RBM39: variants seen among roughly 807,000 people sequenced by gnomAD.
The protein encoded by RBM39 is RNA-binding protein 39.
Under a neutral mutation model 79.6 loss-of-function variants are expected in RBM39, and 12 were observed. The observed-to-expected ratio is 0.15, with a 90% CI of 0.10 to 0.24. RBM39 has a LOEUF of 0.24. Ranked by LOEUF, RBM39 falls within the 10% of genes least tolerant of loss-of-function variation. The pLI, the probability that RBM39 is intolerant of heterozygous loss-of-function variation, is 1.00. For synonymous variants in RBM39, 185 were observed against 208.4 expected (o/e 0.89, Z 0.97); for missense variants, 243 against 653.4 (o/e 0.37, Z 6.85).
At position 35,718,288 on chromosome 20, in the gene RBM39, A is replaced by C. The variant is rs867573542; in HGVS notation, c.826-1483T>G. ...TATAAAAAACAAAACAAAACAAAAA[A>C]AAAACGGGTAAGGGCTGCCTCTAGA... On this transcript the variant is annotated intron_variant, in intron 9 of 16. Coordinates refer to ENST00000253363, the MANE Select transcript of RBM39 (RefSeq NM_184234.3). Among the ~76,000 whole-genome samples, 224 of 152,196 alleles carry C rather than the reference A, an allele frequency of 1.5e-3. 1 individual carries two copies. Among genetic ancestry groups the C allele is most frequent in the African/African-American group, 5.2e-3 (217 of 41,448 alleles).
intron 7 of RBM39, 90 bp downstream of exon 7, chr20:35,724,948 C>A (rs1222812048): frequency 4.7e-6 from 5 of 1,054,052 alleles, no homozygotes; most frequent in South Asian, 3.0e-5. Flanking sequence ...CAAACAAATA[C>A]TGCTACTAAA....
intron 15 of RBM39, 103 bp downstream of exon 15, chr20:35,705,122 A>C: frequency 1.4e-6 from 1 of 731,486 alleles, no homozygotes. Flanking sequence ...ACACACAAAA[A>C]CTATAATGGA....
At chr20:35,705,405 T>A (rs1352026585) in intron 14 of RBM39, 75 bp from the exon 15 acceptor site, 3 of 837,658 alleles carry the variant, frequency 3.6e-6, no homozygotes, top group Non-Finnish European at 5.5e-6. Context: ...TATCAAAAAA[T>A]TTAAATATTC....
chr20:35,711,483 GT>G (rs1162093816), intron 12 of RBM39, among the ~76,000 whole-genome samples: 1 of 152,162 alleles, frequency 6.6e-6, no homozygotes, highest in Non-Finnish European at 1.5e-5. Context: ...TCAAATGACT[GT>G]TAAATACACA....
intron 10 of RBM39, 32 bp downstream of exon 10, chr20:35,716,708 C>A (rs767238336): frequency 1.2e-5 from 15 of 1,284,226 alleles, no homozygotes; most frequent in African/African-American, 4.6e-5. Flanking sequence ...AAAAAAAAAA[C>A]CCTAAGTAAT....
rs528787818 is a variant in RBM39, at chr20:35,737,941, G to A, written c.101+1027C>T. Among the ~76,000 whole-genome samples the A allele has an allele frequency of 4.6e-5, 7 of 150,894 alleles. No individual in the cohort carries two copies. In the South Asian group the frequency reaches 1.0e-3, roughly 23 times the overall value. Reference sequence around the variant, plus strand: ...GGCCACAGCAGGAGGATCATGAGAGGTCAGGAGATGGAGACCATTCTGGCT... The same window carrying A: ...GGCCACAGCAGGAGGATCATGAGAGATCAGGAGATGGAGACCATTCTGGCT... On this transcript the variant is annotated intron_variant, in intron 3 of 16. Coordinates refer to ENST00000253363, the MANE Select transcript of RBM39 (RefSeq NM_184234.3).
chr20:35,735,876 T>C (rs11906171), intron 3 of RBM39, among the ~76,000 whole-genome samples: 4,457 of 152,332 alleles, frequency 0.029, 215 homozygotes, highest in African/African-American at 0.1. Context: ...TGTGGTTCTC[T>C]ACATTAGACA....
At chr20:35,711,377 G>C (rs181446645) in intron 12 of RBM39, among the ~76,000 whole-genome samples, 4 of 152,126 alleles carry the variant, frequency 2.6e-5, no homozygotes, top group Admixed American at 2.6e-4. Context: ...AGTAGCAATC[G>C]ACAATTACTC....
At chr20:35,734,177 G>C in intron 3 of RBM39, 1 of 1,294,830 alleles carries the variant, frequency 7.7e-7, no homozygotes, top group Non-Finnish European at 1.0e-6. Context: ...AGAAAATGAA[G>C]ACACCCACCT....
Position 35,716,685 on chromosome 20 carries a change from A to C in RBM39, c.891+55T>G, listed in dbSNP as rs542818243. 2.0e-5 allele frequency: 22 copies of C among 1,092,834 alleles called. No individual in the cohort carries two copies. The East Asian group carries it at 5.6e-4, about 28-fold the overall frequency. 67.7% of individuals were successfully genotyped at this position (1,092,834 alleles called of 1,614,324 possible). On this transcript the variant is annotated intron_variant, in intron 10 of 16. Coordinates refer to ENST00000253363, the MANE Select transcript of RBM39 (RefSeq NM_184234.3). ...AGAGACTAATCTGAGCAACACAGCA[A>C]ATGTAGTTTAAAAAAAAAAAAACCC...
intron 4 of RBM39, 105 bp downstream of exon 4, chr20:35,731,836 T>A (rs976097185): frequency 5.7e-6 from 6 of 1,044,790 alleles, no homozygotes; most frequent in Non-Finnish European, 8.7e-6. Context: ...TTTTAACCAA[T>A]CATTAAAAAA....
intron 4 of RBM39, among the ~76,000 whole-genome samples, chr20:35,730,902 ATTC>A (rs749621492): frequency 6.6e-6 from 1 of 151,798 alleles, no homozygotes; most frequent in Non-Finnish European, 1.5e-5. Context: ...ACGGAGTTTA[ATTC>A]TTTTTATTTT....
At chr20:35,719,078 T>C (rs1038780350) in intron 9 of RBM39, among the ~76,000 whole-genome samples, 1 of 152,162 alleles carries the variant, frequency 6.6e-6, no homozygotes, top group Non-Finnish European at 1.5e-5. Flanking sequence ...GGGGCAAAGG[T>C]AAGCAAACTA....
At chr20:35,717,152 T>A (rs1294873628) in intron 9 of RBM39, among the ~76,000 whole-genome samples, 2 of 152,048 alleles carry the variant, frequency 1.3e-5, no homozygotes, top group Non-Finnish European at 2.9e-5. Context: ...TGGTGGCGCA[T>A]GCCTGTACGC....
intron 14 of RBM39, 66 bp downstream of exon 14, chr20:35,707,054 G>GTT: frequency 3.0e-5 from 12 of 405,646 alleles, no homozygotes; most frequent in Non-Finnish European, 4.9e-5. Flanking sequence ...AAAAAAAAGA[G>GTT]AAATATATAA....
At chr20:35,714,155 A>C (rs772689723) in intron 11 of RBM39, 30 bp downstream of exon 11, 1 of 1,598,776 alleles carries the variant, frequency 6.3e-7, no homozygotes, top group South Asian at 1.1e-5. Context: ...TACCCACAGT[A>C]AATCATTCGT....
At chr20:35,714,099 T>G (rs769746804) in intron 11 of RBM39, 86 bp downstream of exon 11, 126 of 1,345,474 alleles carry the variant, frequency 9.4e-5, no homozygotes, top group Non-Finnish European at 1.2e-4. Context: ...GATAAAATCT[T>G]TTTCCCTTTC....
At position 35,705,103 on chromosome 20, in the gene RBM39, C is replaced by G. The variant is rs182589810; in HGVS notation, c.1413+122G>C. On this transcript the variant is annotated intron_variant, in intron 15 of 16. Transcript: ENST00000253363. ...TTAGCCACTATATTAAAGCTACTTT[C>G]AGGCACACACACACAAAAACTATAA... 1.8e-5 allele frequency: 12 copies of G among 672,004 alleles called. No homozygotes were observed. In the East Asian group the frequency reaches 3.5e-4, roughly 19 times the overall value. The allele number at this position is 672,004 out of a possible 1,614,324, so 41.6% of individuals were successfully genotyped here.
Position 35,704,516 on chromosome 20 carries a change from T to A in RBM39, c.1558A>T (p.Thr520Ser). Residue 520 changes from threonine (T) to serine (S), a missense_variant, in exon 17 of 17, where the codon ACA becomes TCA. This residue lies in a region of RBM39 where 48 missense variants were observed against 130.2 expected (regional missense o/e 0.37). Coordinates refer to ENST00000253363, the MANE Select transcript of RBM39 (RefSeq NM_184234.3). ...CTTGGAACCAGTAGCTGTGTTGCTG[T>A]CATAGAATCAGGAAACAGGTTGTGG... ...TYHNLFPDSMTATQLLVPSRR is the reference protein window; with the variant it reads ...TYHNLFPDSMSATQLLVPSRR 1 of 1,613,142 alleles carries A rather than the reference T, an allele frequency of 6.2e-7. No individual in the cohort carries two copies. The highest frequency in any genetic ancestry group is 1.7e-4 in the Middle Eastern group (1 of 5,884).
Sources: allele counts gnomAD v4.1 joint callset (sites outside exome capture counted in the v4.1 genomes callset), GRCh38; gene constraint gnomAD v4.1.1; regional missense constraint gnomAD v4.1.1; transcripts MANE v1.5; gene names NCBI Gene and HGNC (gene_info 2026-07-23, HGNC 2026-07-21).